Variants in SLC26A8 observed in about 807,000 individuals in gnomAD.
SLC26A8 encodes the protein solute carrier family 26 member 8.
Under a neutral mutation model 105.0 loss-of-function variants are expected in SLC26A8, and 70 were observed. The ratio of observed to expected loss-of-function variants is 0.67; its 90% CI spans 0.55 to 0.81. The LOEUF (loss-of-function observed/expected upper bound fraction) is 0.81. Ranked by LOEUF, SLC26A8 falls within the 40% of genes least tolerant of loss-of-function variation. The pLI is 0.00. For missense variants in SLC26A8, 998 were observed against 1,181.8 expected, an observed-to-expected ratio of 0.84 and a Z score of 2.28; for synonymous variants, 415 against 438.3, an observed-to-expected ratio of 0.95 and a Z score of 0.66.
At chr6:35,978,845 T>TTC (rs1028369119) in intron 8 of SLC26A8, among the ~76,000 whole-genome samples, 1 of 86,908 alleles carries the variant, frequency 1.2e-5, no homozygotes, top group Non-Finnish European at 3.0e-5. Flanking sequence ...CTTCTTCTTC[T>TTC]TTTTTTTTTT....
chr6:35,949,270 A>G (rs1197980791), intron 19 of SLC26A8, among the ~76,000 whole-genome samples: 1 of 152,080 alleles, frequency 6.6e-6, no homozygotes, highest in Non-Finnish European at 1.5e-5. Context: ...TGTCTCTACT[A>G]AAAATATAAA....
intron 5 of SLC26A8, among the ~76,000 whole-genome samples, 172 bp downstream of exon 5, chr6:35,997,563 GAGA>G (rs1396150861): frequency 1.3e-5 from 2 of 152,190 alleles, no homozygotes; most frequent in Non-Finnish European, 2.9e-5. Flanking sequence ...TCTGAGGAGA[GAGA>G]AGTTTTGTCA....
chr6:36,013,014 C>T (rs1162913890), intron 2 of SLC26A8, among the ~76,000 whole-genome samples: 1 of 152,176 alleles, frequency 6.6e-6, no homozygotes, highest in Non-Finnish European at 1.5e-5. Flanking sequence ...AACATTTACT[C>T]TGTCTGGCCT....
At chr6:35,976,583 C>G (rs1773042653) in intron 9 of SLC26A8, among the ~76,000 whole-genome samples, 1 of 144,040 alleles carries the variant, frequency 6.9e-6, no homozygotes, top group Admixed American at 6.8e-5. Flanking sequence ...TGGAGTCGCC[C>G]AGACTGGAGT....
chr6:35,968,597 G>GAAATATACATA (rs1209916814), intron 11 of SLC26A8, among the ~76,000 whole-genome samples: 8,052 of 60,404 alleles, frequency 0.13, 836 homozygotes, highest in African/African-American at 0.32. Context: ...GTATGTGTGT[G>GAAATATACATA]TGTGTGTGTG....
rs1259511559 is a variant in SLC26A8, at chr6:35,975,564, T to TG, written c.1174-77_1174-76insC. ...TGATTTTGAGTTGAAGGCATATGGT[T>TG]TTTTTTTTTTATATGAAGATAGGGT... On this transcript the variant is annotated intron_variant, in intron 9 of 19. Coordinates refer to ENST00000490799, the MANE Select transcript of SLC26A8 (RefSeq NM_052961.4). 6 of 697,610 alleles carry TG rather than the reference T, an allele frequency of 8.6e-6. No individual in the cohort carries two copies. In the East Asian group the frequency reaches 1.7e-4, roughly 20 times the overall value. 43.2% of individuals were successfully genotyped at this position (697,610 alleles called of 1,614,324 possible).
chr6:36,002,321 C>T (rs1761546289), intron 3 of SLC26A8, among the ~76,000 whole-genome samples: 1 of 152,104 alleles, frequency 6.6e-6, no homozygotes, highest in Admixed American at 6.6e-5. Flanking sequence ...CTATTATGAA[C>T]AATATTGCTA....
intron 3 of SLC26A8, among the ~76,000 whole-genome samples, chr6:36,008,830 A>G (rs904312645): frequency 6.6e-6 from 1 of 152,242 alleles, no homozygotes; most frequent in African/African-American, 2.4e-5. Context: ...ATATCACTAC[A>G]TGACTATCAG....
At chr6:35,970,171 C>A (rs539416112) in intron 10 of SLC26A8, among the ~76,000 whole-genome samples, 1 of 152,142 alleles carries the variant, frequency 6.6e-6, no homozygotes, top group Non-Finnish European at 1.5e-5. Context: ...GGGGGTCTCT[C>A]GATTCTAATC....
intron 1 of SLC26A8, among the ~76,000 whole-genome samples, chr6:36,022,738 T>C (rs549891321): frequency 6.6e-6 from 1 of 152,138 alleles, no homozygotes; most frequent in Non-Finnish European, 1.5e-5. Context: ...CTTATTATTT[T>C]TTTTAAGTAA....
At chr6:36,012,834 C>T (rs989692890) in intron 2 of SLC26A8, among the ~76,000 whole-genome samples, 3 of 152,178 alleles carry the variant, frequency 2.0e-5, no homozygotes, top group Admixed American at 2.0e-4. Flanking sequence ...TTTCTTTTGA[C>T]AAGGACAGTG....
intron 8 of SLC26A8, among the ~76,000 whole-genome samples, chr6:35,977,556 T>C (rs1467574820): frequency 1.3e-5 from 2 of 152,080 alleles, no homozygotes; most frequent in African/African-American, 2.4e-5. Flanking sequence ...GAACATGTTG[T>C]TGTGTTTTGC....
chr6:35,954,481 A>G (rs1249673532), intron 17 of SLC26A8, among the ~76,000 whole-genome samples: 1 of 152,192 alleles, frequency 6.6e-6, no homozygotes, highest in Non-Finnish European at 1.5e-5. Flanking sequence ...TGAAGCATTC[A>G]GACCTATTCC....
chr6:35,951,094 A>ACCCCACACCCAACCC, intron 19 of SLC26A8, 69 bp downstream of exon 19: 2 of 666,680 alleles, frequency 3.0e-6, no homozygotes, highest in Non-Finnish European at 4.5e-6. Flanking sequence ...GCCCCCAACC[A>ACCCCACACCCAACCC]CCCCTCACCC....
chr6:35,952,224 CA>C (rs1562016786), intron 17 of SLC26A8, among the ~76,000 whole-genome samples: 5 of 152,124 alleles, frequency 3.3e-5, no homozygotes, highest in Non-Finnish European at 7.3e-5. Flanking sequence ...ATGAGACCCC[CA>C]CTTCCCCCTG....
intron 7 of SLC26A8, among the ~76,000 whole-genome samples, chr6:35,984,479 T>C (rs1773413131): frequency 6.6e-6 from 1 of 151,896 alleles, no homozygotes; most frequent in African/African-American, 2.4e-5. Flanking sequence ...TGCACCACTA[T>C]GCCCAGCTAA....
intron 10 of SLC26A8, among the ~76,000 whole-genome samples, chr6:35,970,382 G>A (rs1360262669): frequency 1.3e-5 from 2 of 152,214 alleles, no homozygotes; most frequent in East Asian, 1.9e-4. Flanking sequence ...GCTAAAGTGA[G>A]TGGCCTGATA....
chr6:36,005,650 G>A (rs542026459), intron 3 of SLC26A8, among the ~76,000 whole-genome samples: 35 of 152,126 alleles, frequency 2.3e-4, no homozygotes, highest in African/African-American at 8.2e-4. Flanking sequence ...TTTTACTACT[G>A]GTGATGCTCA....
At chr6:36,014,049 G>A (rs1359820806) in intron 2 of SLC26A8, among the ~76,000 whole-genome samples, 1 of 152,202 alleles carries the variant, frequency 6.6e-6, no homozygotes, top group Non-Finnish European at 1.5e-5. Flanking sequence ...GCAGCCATGA[G>A]TAAGACCATT....
Sources: allele counts gnomAD v4.1 joint callset (sites outside exome capture counted in the v4.1 genomes callset), GRCh38; gene constraint gnomAD v4.1.1; transcripts MANE v1.5; gene names NCBI Gene and HGNC (gene_info 2026-07-23, HGNC 2026-07-21).